LSM14B: variants seen among roughly 807,000 people sequenced by gnomAD.
LSM14B encodes the protein protein LSM14 homolog B.
In LSM14B, 8 loss-of-function variants were observed where a neutral mutation model predicts 42.1. The observed-to-expected ratio is 0.19, with a 90% CI of 0.11 to 0.34. The LOEUF is 0.34. Ranked by LOEUF, LSM14B falls within the 10% of genes least tolerant of loss-of-function variation. The pLI is 1.00. For missense variants in LSM14B, 396 were observed against 513.1 expected (o/e 0.77, Z 2.21); for synonymous variants, 219 against 209.7 (o/e 1.04, Z -0.38).
chr20:62,131,362 A>G lies in LSM14B; in HGVS notation c.842A>G (p.Lys281Arg), dbSNP rs556214103. 1 of 1,595,628 alleles carries G rather than the reference A, an allele frequency of 6.3e-7. No homozygotes were observed. Among genetic ancestry groups the G allele is most frequent in the African/African-American group, 1.3e-5 (1 of 74,504 alleles). The change falls in exon 7 of 9, where the codon AAG becomes AGG. Residue 281 changes from lysine to arginine, a missense_variant. Around this residue, in one of 3 missense-constraint regions of LSM14B, gnomAD observed 118 missense variants for 156.4 expected, o/e 0.75. Transcript: ENST00000279068. Reference sequence around the variant, plus strand: ...GTTCTGCTTCTTTTTGTAGATGACAAGGCTGAGAAGGGGGAAGAGAAGGAC... The same window carrying G: ...GTTCTGCTTCTTTTTGTAGATGACAGGGCTGAGAAGGGGGAAGAGAAGGAC... The part of the protein sequence containing the change: ...FKKKLNFKDD[K>R]AEKGEEKDLA...
At chr20:62,128,598 G>A (rs2056673144) in intron 3 of LSM14B, among the ~76,000 whole-genome samples, 2 of 152,200 alleles carry the variant, frequency 1.3e-5, no homozygotes, top group African/African-American at 4.8e-5. Context: ...AGTTGGTTGT[G>A]TAAAAAGCAG....
Position 62,131,396 on chromosome 20 carries a change from G to A in LSM14B, c.876G>A (p.Val292=), listed in dbSNP as rs2145634508. The part of the protein sequence containing the change: ...AEKGEEKDLA[V]VTQSAEAPAE... ...AGGGGGAAGAGAAGGACCTGGCTGTGGTGACCCAGAGTGCCGAAGCGCCCG... is the reference window on the plus strand; with the variant it reads ...AGGGGGAAGAGAAGGACCTGGCTGTAGTGACCCAGAGTGCCGAAGCGCCCG... The change falls in exon 7 of 9, where the codon GTG becomes GTA. Residue 292 remains valine, a synonymous_variant. Coordinates refer to ENST00000279068, the MANE Select transcript of LSM14B (RefSeq NM_144703.3). The A allele has an allele frequency of 6.2e-7, 1 of 1,611,958 alleles. No homozygotes were observed. The highest frequency in any genetic ancestry group is 2.2e-5 in the East Asian group (1 of 44,872).
intron 3 of LSM14B, among the ~76,000 whole-genome samples, chr20:62,127,185 C>T (rs547938969): frequency 6.6e-6 from 1 of 152,298 alleles, no homozygotes; most frequent in East Asian, 1.9e-4. Flanking sequence ...TGGTTTCAAC[C>T]AAGATTGAAA....
chr20:62,122,845 C>T lies in LSM14B; in HGVS notation c.127+52C>T. ...GCTGACCCCCGTCCGCCAACAGCCC[C>T]GGCCTGCGGTGCCCTCCCCGCCCCG... On this transcript the variant is annotated intron_variant, in intron 1 of 8. Transcript: ENST00000279068. This position sits in a 1 kb window ranked among gnomAD's most constrained non-coding sequence, Gnocchi z 4.6. The T allele has an allele frequency of 2.1e-6, 3 of 1,405,248 alleles. No homozygotes were observed. Among genetic ancestry groups the T allele is most frequent in the Non-Finnish European group, 2.8e-6 (3 of 1,064,168 alleles). The allele number at this position is 1,405,248 out of a possible 1,614,324, so 87.0% of individuals were successfully genotyped here.
intron 3 of LSM14B, 129 bp downstream of exon 3, chr20:62,126,568 T>G (rs1600924716): frequency 8.0e-7 from 1 of 1,245,506 alleles, no homozygotes; most frequent in East Asian, 2.5e-5. Flanking sequence ...GTTGCACACT[T>G]AGTAAATTAC....
intron 3 of LSM14B, chr20:62,127,466 T>C: frequency 1.4e-6 from 1 of 705,850 alleles, no homozygotes; most frequent in Non-Finnish European, 2.4e-6. Flanking sequence ...AACGTGTTTG[T>C]ATGACAGAAT....
rs1010678746 is a variant in LSM14B at position 62,134,163 on chromosome 20, G to A, written c.*15G>A. 4.4e-6 allele frequency: 2 copies of A among 457,348 alleles called. No homozygotes were observed. The highest frequency in any genetic ancestry group is 9.1e-6 in the Non-Finnish European group (2 of 220,114). 28.3% of individuals were successfully genotyped at this position (457,348 alleles called of 1,614,324 possible). On this transcript the variant is annotated splice_region_variant and 3_prime_UTR_variant, in exon 9 of 9. Coordinates refer to ENST00000279068, the MANE Select transcript of LSM14B (RefSeq NM_144703.3). Reference sequence around the variant, plus strand: ...CTTGACTTCCTGTCATCTCTTGCAGGCTCCTACTGAAGTGGCGCATAACTG... The same window carrying A: ...CTTGACTTCCTGTCATCTCTTGCAGACTCCTACTGAAGTGGCGCATAACTG...
intron 3 of LSM14B, chr20:62,128,825 A>ATTTTTT: frequency 1.5e-6 from 1 of 671,038 alleles, no homozygotes; most frequent in Non-Finnish European, 2.2e-6. Context: ...TCTACAGTCA[A>ATTTTTT]TTTTTTTTTT....
At chr20:62,126,741 G>A (rs62204357) in intron 3 of LSM14B, among the ~76,000 whole-genome samples, 3,996 of 152,278 alleles carry the variant, frequency 0.026, 65 homozygotes, top group Non-Finnish European at 0.038. Context: ...GCTCACTCCT[G>A]TAATCCCAGC....
chr20:62,132,942 C>G (rs796373274), intron 7 of LSM14B, among the ~76,000 whole-genome samples: 38 of 152,292 alleles, frequency 2.5e-4, no homozygotes, highest in African/African-American at 7.9e-4. Flanking sequence ...CTTCATGGTC[C>G]GGTCTCAGGT....
chr20:62,133,970 C>T (rs1016783140), intron 8 of LSM14B, among the ~76,000 whole-genome samples, 193 bp from the exon 9 acceptor site: 2 of 152,350 alleles, frequency 1.3e-5, no homozygotes, highest in Admixed American at 6.5e-5. Flanking sequence ...AAGACTAGCC[C>T]TCCTGCCACT....
rs745904767 is a variant in LSM14B, at chr20:62,130,262, T to C, written c.639T>C (p.Asn213=). The C allele has an allele frequency of 3.2e-5, 51 of 1,604,424 alleles. No homozygotes were observed. The South Asian group carries it at 3.7e-4, about 12-fold the overall frequency. The change falls in exon 5 of 9, where the codon AAT becomes AAC. Residue 213 remains asparagine, a synonymous_variant. Coordinates refer to ENST00000279068, the MANE Select transcript of LSM14B (RefSeq NM_144703.3). The surrounding 1 kb of genome is among the most constrained non-coding windows in gnomAD (Gnocchi z 4.1). ...CTGTGCAAGCTCAAGGGCAGGTGAA[T>C]GACGAGAACAGAAGACCTCAGAGGA... ...PAAVQAQGQV[N]DENRRPQRRR...
At chr20:62,128,717 G>A (rs117383784) in intron 3 of LSM14B, among the ~76,000 whole-genome samples, 1,849 of 152,288 alleles carry the variant, frequency 0.012, 18 homozygotes, top group Non-Finnish European at 0.018. Flanking sequence ...AAAGTGGCCC[G>A]GGTGCATTCC....
At chr20:62,123,426 C>T (rs1018397781) in intron 1 of LSM14B, 1 of 152,320 alleles carries the variant, frequency 6.6e-6, no homozygotes, top group African/African-American at 2.4e-5. Context: ...TTCTCCTGCT[C>T]TATCCTGACC....
chr20:62,126,442 G>A lies in LSM14B; in HGVS notation c.427+3G>A, dbSNP rs1160045441. The A allele has an allele frequency of 6.2e-7, 1 of 1,607,382 alleles. No homozygotes were observed. Among genetic ancestry groups the A allele is most frequent in the South Asian group, 1.1e-5 (1 of 90,952 alleles). On this transcript the variant is annotated splice_donor_region_variant and intron_variant, in intron 3 of 8. Transcript: ENST00000279068. ...GTATGCCGCCTCCCTGGGTCTAGGT[G>A]AGTGACCTGTTTCTGTCTGGTAAAC...
At chr20:62,123,514 C>A (rs2056478686) in intron 1 of LSM14B, 1 of 152,336 alleles carries the variant, frequency 6.6e-6, no homozygotes, top group Non-Finnish European at 1.5e-5. Context: ...GGAGGACTTA[C>A]AGGAGGGGGG....
At position 62,131,299 on chromosome 20, in the gene LSM14B, A is replaced by G. The variant is rs549136525; in HGVS notation, c.836-57A>G. ...GTGAGCCCGGAGGGACCACCCTGCT[A>G]AAAGGCTGTGCGCTCTGCCCCTCCT... On this transcript the variant is annotated intron_variant, in intron 6 of 8. Coordinates refer to ENST00000279068, the MANE Select transcript of LSM14B (RefSeq NM_144703.3). 22 of 1,533,676 alleles carry G rather than the reference A, an allele frequency of 1.4e-5. 1 individual carries two copies. In the Admixed American group the frequency reaches 4.4e-4, roughly 30 times the overall value.
chr20:62,129,812 G>A lies in LSM14B; in HGVS notation c.455G>A (p.Gly152Asp), dbSNP rs1228126174. ...LGAGFPSIPV[G>D]KSPMVEQAVQ... ...GCTGGTTTTCCATCCATCCCAGTCG[G>A]CAAGAGCCCCATGGTGGAGCAGGCT... The change falls in exon 4 of 9, where the codon GGC becomes GAC. Residue 152 changes from glycine to aspartate, a missense_variant. Coordinates refer to ENST00000279068, the MANE Select transcript of LSM14B (RefSeq NM_144703.3). 6.2e-7 allele frequency: 1 copy of A among 1,610,464 alleles called. No homozygotes were observed. The highest frequency in any genetic ancestry group is 8.5e-7 in the Non-Finnish European group (1 of 1,178,502).
Position 62,124,810 on chromosome 20 carries a change from C to A in LSM14B, c.291+30C>A. ...GTGTGCCACTGTCCCTCTGTGCATG[C>A]TGTAGGAGATGCTGGTTTCCATTTG... On this transcript the variant is annotated intron_variant, in intron 2 of 8. Coordinates refer to ENST00000279068, the MANE Select transcript of LSM14B (RefSeq NM_144703.3). The A allele has an allele frequency of 6.3e-7, 1 of 1,586,074 alleles. No individual in the cohort carries two copies. The highest frequency in any genetic ancestry group is 8.6e-7 in the Non-Finnish European group (1 of 1,162,932).
Sources: gnomAD v4.1 joint callset for allele counts (sites outside exome capture counted in the v4.1 genomes callset) on GRCh38, gnomAD v4.1.1 for gene constraint, gnomAD v4.1.1 regional missense constraint, Gnocchi (gnomAD v3.1) non-coding constraint, MANE v1.5 for transcripts, NCBI Gene and HGNC (gene_info 2026-07-23, HGNC 2026-07-21) for gene names.